The following ZNF98 variants were observed in gnomAD, a reference collection of about 807,000 sequenced individuals.
ZNF98 encodes the protein zinc finger protein 98.
A neutral mutation model predicts 12.8 loss-of-function variants in ZNF98; 8 were observed. The observed-to-expected ratio is 0.63, with a 90% CI of 0.37 to 1.13. The LOEUF is 1.13. ZNF98 is among the 50% of genes most tolerant of loss of function. The pLI is 0.01. For synonymous variants in ZNF98, 112 were observed against 223.5 expected (o/e 0.50, Z 4.45); for missense variants, 379 against 666.1 (o/e 0.57, Z 4.74).
intron 1 of ZNF98, among the ~76,000 whole-genome samples, chr19:22,418,655 G>C (rs1176207585): frequency 6.6e-6 from 1 of 152,162 alleles, no homozygotes; most frequent in East Asian, 1.9e-4. Flanking sequence ...GAGGCAGGTG[G>C]ATCACCTGAG....
chr19:22,391,308 T>G lies in ZNF98; in HGVS notation c.*208A>C. 9.9e-7 allele frequency: 1 copy of G among 1,009,166 alleles called. No homozygotes were observed. Among genetic ancestry groups the G allele is most frequent in the Non-Finnish European group, 1.4e-6 (1 of 713,138 alleles). 62.5% of individuals were successfully genotyped at this position (1,009,166 alleles called of 1,614,324 possible). A position where few individuals can be genotyped will look rare whatever the true frequency, so the allele number is the denominator to read the frequency against. On this transcript the variant is annotated 3_prime_UTR_variant, in exon 4 of 4. Transcript: ENST00000357774. The stretch of plus-strand genomic sequence containing the variant: ...AAATTCTCTGATGCTGAATAAGATG[T>G]GTGCAGATATTAATCACTTTTTTAC...
chr19:22,400,848 G>A (rs994521481), intron 3 of ZNF98, among the ~76,000 whole-genome samples: 9 of 147,060 alleles, frequency 6.1e-5, no homozygotes, highest in Non-Finnish European at 1.0e-4. Context: ...AGCTACTCGG[G>A]AGGCAGAGGC....
chr19:22,411,030 A>ATTTATT (rs531325961), intron 1 of ZNF98, among the ~76,000 whole-genome samples: 2,689 of 152,044 alleles, frequency 0.018, 82 homozygotes, highest in African/African-American at 0.061. Flanking sequence ...CTGAGTCTGC[A>ATTTATT]TTTATTTTTA....
At position 22,409,314 on chromosome 19, in the gene ZNF98, T is replaced by A. The variant is rs575675191; in HGVS notation, c.31-5802A>T. On this transcript the variant is annotated intron_variant, in intron 1 of 3. Transcript: ENST00000357774. ...TCAAGATGGATTAAAGACATAAATG[T>A]AAAGCCCAAAACCAGAAAAACCCTA... 2.6e-5 allele frequency among the ~76,000 whole-genome samples: 4 copies of A among 152,172 alleles called. No homozygotes were observed. The South Asian group carries it at 8.3e-4, about 32-fold the overall frequency.
chr19:22,416,139 G>C (rs989182656), intron 1 of ZNF98, among the ~76,000 whole-genome samples: 1 of 149,834 alleles, frequency 6.7e-6, no homozygotes, highest in Non-Finnish European at 1.5e-5. Context: ...GCAAGACTCC[G>C]TCTCAAAAAA....
rs1387442418 is a variant in ZNF98, at chr19:22,392,546, C to A, written c.689G>T (p.Arg230Ile). Residue 230 changes from arginine to isoleucine, a missense_variant, in exon 4 of 4, where the codon AGA (arginine) becomes ATA (isoleucine). Coordinates refer to ENST00000357774, the MANE Select transcript of ZNF98 (RefSeq NM_001098626.2). Reference sequence around the variant, plus strand: ...GTAGGGTTTCTTTCCAGTATGAATTCTTTTATGTGTAGAAAGGTTTGAGGC... The same window carrying A: ...GTAGGGTTTCTTTCCAGTATGAATTATTTTATGTGTAGAAAGGTTTGAGGC... ...NEASNLSTHK[R>I]IHTGKKPYKC... 4.3e-6 allele frequency: 7 copies of A among 1,610,648 alleles called. No homozygotes were observed. The highest frequency in any genetic ancestry group is 1.7e-4 in the Middle Eastern group (1 of 5,948).
At chr19:22,419,232 T>C (rs1021243889) in intron 1 of ZNF98, among the ~76,000 whole-genome samples, 2 of 152,212 alleles carry the variant, frequency 1.3e-5, no homozygotes, top group Non-Finnish European at 2.9e-5. Flanking sequence ...CTAACTTTGG[T>C]TTATTTTAAA....
At chr19:22,397,395 G>A (rs1419391734) in intron 3 of ZNF98, among the ~76,000 whole-genome samples, 1 of 151,990 alleles carries the variant, frequency 6.6e-6, no homozygotes, top group African/African-American at 2.4e-5. Flanking sequence ...TCCAGGCAGT[G>A]TAAGACAATT....
chr19:22,404,899 A>G (rs912292387), intron 1 of ZNF98, among the ~76,000 whole-genome samples: 1 of 152,218 alleles, frequency 6.6e-6, no homozygotes, highest in Non-Finnish European at 1.5e-5. Context: ...GAACAGAGAT[A>G]GAACCTCAAC....
Position 22,416,276 on chromosome 19 carries a change from T to C in ZNF98, c.30+5919A>G, listed in dbSNP as rs188767478. ...ATGAGGTCAGGAGATCGAGACCATC[T>C]GGGCTAACACGGTGAAACCCCGTCT... On this transcript the variant is annotated intron_variant, in intron 1 of 3. Transcript: ENST00000357774. 7.4e-3 allele frequency among the ~76,000 whole-genome samples: 1,126 copies of C among 151,486 alleles called. 14 individuals carry two copies. Among genetic ancestry groups the C allele is most frequent in the African/African-American group, 0.026 (1,055 of 41,254 alleles).
At chr19:22,411,029 CATTT>C (rs1969574535) in intron 1 of ZNF98, among the ~76,000 whole-genome samples, 1 of 150,712 alleles carries the variant, frequency 6.6e-6, no homozygotes, top group African/African-American at 2.5e-5. Flanking sequence ...ACTGAGTCTG[CATTT>C]ATTTTTATTT....
chr19:22,400,375 T>C (rs1281181749), intron 3 of ZNF98, among the ~76,000 whole-genome samples: 6 of 152,166 alleles, frequency 3.9e-5, no homozygotes, highest in Admixed American at 3.9e-4. Flanking sequence ...CAAACTCATC[T>C]ACATCCTAAT....
chr19:22,422,034 T>G (rs1323515663), intron 1 of ZNF98, among the ~76,000 whole-genome samples, 161 bp downstream of exon 1: 3 of 152,068 alleles, frequency 2.0e-5, no homozygotes, highest in Non-Finnish European at 4.4e-5. Context: ...GCAGCCGCCA[T>G]CTTATCGCTG....
At position 22,413,449 on chromosome 19, in the gene ZNF98, C is replaced by T. The variant is rs972244852; in HGVS notation, c.30+8746G>A. Among the ~76,000 whole-genome samples the T allele has an allele frequency of 6.6e-5, 10 of 152,180 alleles. 1 individual carries two copies. The highest frequency in any genetic ancestry group is 4.2e-4 in the South Asian group (2 of 4,816). On this transcript the variant is annotated intron_variant, in intron 1 of 3. Coordinates refer to ENST00000357774, the MANE Select transcript of ZNF98 (RefSeq NM_001098626.2). ...CATCCCTGTAAATCAAAAACATGCACGCCAAAAGCCAAATGAAAAACGGAA... is the reference window on the plus strand; with the variant it reads ...CATCCCTGTAAATCAAAAACATGCATGCCAAAAGCCAAATGAAAAACGGAA...
At chr19:22,409,780 T>A (rs528323927) in intron 1 of ZNF98, among the ~76,000 whole-genome samples, 5 of 151,468 alleles carry the variant, frequency 3.3e-5, no homozygotes, top group Non-Finnish European at 7.4e-5. Context: ...GGCATGGTAG[T>A]GGATGTCTGT....
intron 3 of ZNF98, among the ~76,000 whole-genome samples, chr19:22,394,333 G>A (rs74169618): frequency 4.0e-5 from 6 of 151,556 alleles, no homozygotes; most frequent in South Asian, 4.2e-4. Context: ...ATCCCATTAC[G>A]GGGTATATAC....
chr19:22,413,885 A>AG (rs1969608826), intron 1 of ZNF98, among the ~76,000 whole-genome samples: 1 of 150,870 alleles, frequency 6.6e-6, no homozygotes, highest in South Asian at 2.1e-4. Context: ...AAAAAAAAAA[A>AG]AAAAAAAGTC....
At chr19:22,404,336 T>C (rs1323806770) in intron 1 of ZNF98, among the ~76,000 whole-genome samples, 1 of 152,268 alleles carries the variant, frequency 6.6e-6, no homozygotes, top group East Asian at 1.9e-4. Context: ...AAACATCCAG[T>C]AAGTGGAAGA....
intron 1 of ZNF98, among the ~76,000 whole-genome samples, chr19:22,407,003 T>C (rs1969527134): frequency 1.3e-5 from 2 of 151,992 alleles, no homozygotes; most frequent in African/African-American, 4.8e-5. Flanking sequence ...GAGCATGTTC[T>C]AACCAAATGC....
Sources: allele counts gnomAD v4.1 joint callset (sites outside exome capture counted in the v4.1 genomes callset), GRCh38; gene constraint gnomAD v4.1.1; transcripts MANE v1.5; gene names NCBI Gene and HGNC (gene_info 2026-07-23, HGNC 2026-07-21).